Variants in PDZD8 observed in about 807,000 individuals in gnomAD.
PDZD8 encodes PDZ domain-containing protein 8.
Under a neutral mutation model 85.8 loss-of-function variants are expected in PDZD8, and 14 were observed. The ratio of observed to expected loss-of-function variants is 0.16; its 90% CI spans 0.11 to 0.26. The LOEUF (loss-of-function observed/expected upper bound fraction) is 0.26. Ranked by LOEUF, PDZD8 falls within the 10% of genes least tolerant of loss-of-function variation. PDZD8 has a pLI of 1.00. For missense variants in PDZD8, 1,197 were observed against 1,424.3 expected, an observed-to-expected ratio of 0.84 and a Z score of 2.57; for synonymous variants, 592 against 568.6, an observed-to-expected ratio of 1.04 and a Z score of -0.59.
chr10:117,307,982 A>G (rs1843971890), intron 3 of PDZD8, among the ~76,000 whole-genome samples: 1 of 152,234 alleles, frequency 6.6e-6, no homozygotes, highest in South Asian at 2.1e-4. Flanking sequence ...GAGATGTCAA[A>G]TAGTGAAGTA....
At chr10:117,354,320 CA>C (rs1226007420) in intron 1 of PDZD8, among the ~76,000 whole-genome samples, 3 of 152,204 alleles carry the variant, frequency 2.0e-5, no homozygotes, top group African/African-American at 7.2e-5. Flanking sequence ...TTAGAGTTCA[CA>C]CATGTGATAC....
intron 2 of PDZD8, among the ~76,000 whole-genome samples, chr10:117,320,129 G>C (rs1844204065): frequency 6.6e-6 from 1 of 152,016 alleles, no homozygotes; most frequent in South Asian, 2.1e-4. Context: ...AATCTTAAAA[G>C]GAACTTTAAA....
At chr10:117,286,438 G>A (rs544839203) in intron 4 of PDZD8, among the ~76,000 whole-genome samples, 190 of 152,270 alleles carry the variant, frequency 1.2e-3, no homozygotes, top group African/African-American at 4.3e-3. Flanking sequence ...AGATCTTAGG[G>A]CCATCCTAAA....
chr10:117,328,141 T>G (rs1844348827), intron 2 of PDZD8, among the ~76,000 whole-genome samples: 1 of 152,196 alleles, frequency 6.6e-6, no homozygotes, highest in Non-Finnish European at 1.5e-5. Context: ...ACTTATTTAT[T>G]TTGTTTGCAA....
intron 3 of PDZD8, among the ~76,000 whole-genome samples, chr10:117,312,208 T>C (rs2133799095): frequency 6.6e-6 from 1 of 151,484 alleles, no homozygotes; most frequent in South Asian, 2.1e-4. Flanking sequence ...GAGTTGGGGG[T>C]AGAGTGCACA....
At chr10:117,285,791 C>T in intron 4 of PDZD8, 1 of 1,000,378 alleles carries the variant, frequency 1.0e-6, no homozygotes, top group South Asian at 4.4e-5. Flanking sequence ...TGACATCTCT[C>T]AGTTTGAACT....
chr10:117,315,468 G>T (rs1037049642), intron 3 of PDZD8, among the ~76,000 whole-genome samples: 1 of 151,280 alleles, frequency 6.6e-6, no homozygotes, highest in Non-Finnish European at 1.5e-5. Context: ...AGTGGTGCAC[G>T]CCTGTAGTCC....
chr10:117,343,327 CTA>C, intron 1 of PDZD8, among the ~76,000 whole-genome samples: 1 of 152,184 alleles, frequency 6.6e-6, no homozygotes, highest in South Asian at 2.1e-4. Context: ...TCTCCTGTTT[CTA>C]AACTAGTATG....
intron 3 of PDZD8, among the ~76,000 whole-genome samples, chr10:117,306,147 T>C (rs1381397677): frequency 6.6e-6 from 1 of 152,224 alleles, no homozygotes; most frequent in Non-Finnish European, 1.5e-5. Flanking sequence ...TTTGATAACT[T>C]GGTTTCTAAA....
At chr10:117,286,106 A>G (rs1299106517) in intron 4 of PDZD8, among the ~76,000 whole-genome samples, 1 of 152,232 alleles carries the variant, frequency 6.6e-6, no homozygotes, top group Non-Finnish European at 1.5e-5. Flanking sequence ...GCTGGTTACT[A>G]TCTGCATCTG....
At chr10:117,369,872 G>A (rs1015136241) in intron 1 of PDZD8, among the ~76,000 whole-genome samples, 5 of 152,048 alleles carry the variant, frequency 3.3e-5, no homozygotes, top group Non-Finnish European at 2.9e-5. Context: ...AAACAGTGCA[G>A]GCCAAATTAA....
chr10:117,341,421 T>C (rs1304643305), intron 1 of PDZD8, among the ~76,000 whole-genome samples: 1 of 152,026 alleles, frequency 6.6e-6, no homozygotes, highest in Non-Finnish European at 1.5e-5. Flanking sequence ...ATGGGAAGAG[T>C]GTTCCTACGG....
intron 1 of PDZD8, among the ~76,000 whole-genome samples, chr10:117,372,355 T>C (rs1406830361): frequency 6.6e-6 from 1 of 152,174 alleles, no homozygotes; most frequent in Admixed American, 6.5e-5. Context: ...TCTCAATGCC[T>C]CCATAACTTA....
In PDZD8 at chr10:117,374,552, C is replaced by G; in HGVS notation, c.676G>C (p.Val226Leu). The change falls in exon 1 of 5, where the codon GTG (valine) becomes CTG (leucine). Residue 226 changes from valine to leucine, a missense_variant. By Grantham distance (32) the Val-to-Leu change is conservative. Transcript: ENST00000334464. This position sits in a 1 kb window ranked among gnomAD's most constrained non-coding sequence, Gnocchi z 7.8. ...AYLFVKLSRV[V>L]GRLRLVFTRV... ...GTAAAGACCAAGCGCAGCCTTCCCA[C>G]CACGCGGGACAGCTTGACAAACAAG... The G allele has an allele frequency of 1.9e-6, 3 of 1,603,594 alleles. No homozygotes were observed. Among genetic ancestry groups the G allele is most frequent in the Non-Finnish European group, 2.6e-6 (3 of 1,175,030 alleles).
intron 1 of PDZD8, among the ~76,000 whole-genome samples, chr10:117,363,293 G>A (rs1418112263): frequency 6.6e-6 from 1 of 152,012 alleles, no homozygotes; most frequent in Non-Finnish European, 1.5e-5. Flanking sequence ...GTGTAAAAAG[G>A]ACAAAAAATT....
At chr10:117,298,215 T>C (rs989031369) in intron 3 of PDZD8, among the ~76,000 whole-genome samples, 18 of 152,096 alleles carry the variant, frequency 1.2e-4, no homozygotes, top group Non-Finnish European at 2.5e-4. Flanking sequence ...TTTACTACTA[T>C]TAAAAAGAAT....
intron 1 of PDZD8, among the ~76,000 whole-genome samples, chr10:117,360,503 G>T (rs1338633583): frequency 1.3e-5 from 2 of 152,036 alleles, no homozygotes; most frequent in Non-Finnish European, 2.9e-5. Flanking sequence ...TACTTTGAAT[G>T]TTTCTAGCAC....
At chr10:117,334,924 A>C (rs1844491460) in intron 2 of PDZD8, among the ~76,000 whole-genome samples, 2 of 152,136 alleles carry the variant, frequency 1.3e-5, no homozygotes, top group Admixed American at 6.5e-5. Flanking sequence ...AGCCCAACAT[A>C]ATATGTAATT....
At position 117,283,234 on chromosome 10, in the gene PDZD8, CCT is replaced by C; in HGVS notation, c.*32_*33del. ...TGTGGTACTTTAGATGCAACTTTACCCTGTTCATTTGAAAGCTTAAATAGACC... is the reference window on the plus strand; with the variant it reads ...TGTGGTACTTTAGATGCAACTTTACCGTTCATTTGAAAGCTTAAATAGACC... On this transcript the variant is annotated 3_prime_UTR_variant, in exon 5 of 5. Coordinates refer to ENST00000334464, the MANE Select transcript of PDZD8 (RefSeq NM_173791.5). The C allele has an allele frequency of 6.4e-7, 1 of 1,562,152 alleles. No homozygotes were observed. Among genetic ancestry groups the C allele is most frequent in the Non-Finnish European group, 8.7e-7 (1 of 1,154,892 alleles).
Sources: allele counts gnomAD v4.1 joint callset (sites outside exome capture counted in the v4.1 genomes callset), GRCh38; gene constraint gnomAD v4.1.1; non-coding constraint Gnocchi (gnomAD v3.1); transcripts MANE v1.5; gene names NCBI Gene and HGNC (gene_info 2026-07-23, HGNC 2026-07-21).